CDH23: variants seen among roughly 807,000 people sequenced by gnomAD.
CDH23 encodes the protein cadherin related 23.
A neutral mutation model predicts 317.1 loss-of-function variants in CDH23; 189 were observed. The observed-to-expected ratio is 0.60, with a 90% CI of 0.53 to 0.67. CDH23 has a LOEUF of 0.67. Ranked by LOEUF, CDH23 falls within the 30% of genes least tolerant of loss-of-function variation. The pLI, the probability that CDH23 is intolerant of heterozygous loss-of-function variation, is 0.00. For synonymous variants in CDH23, 1,839 were observed against 1,876.8 expected (o/e 0.98, Z 0.52); for missense variants, 4,401 against 4,592.4 (o/e 0.96, Z 1.20).
chr10:71,671,839 G>A (rs3849958), intron 14 of CDH23, among the ~76,000 whole-genome samples: 29,287 of 152,216 alleles, frequency 0.19, 3,010 homozygotes, highest in Non-Finnish European at 0.23. Flanking sequence ...AAGTGGGTGG[G>A]AGGTAATGAC....
chr10:71,732,225 C>A lies in CDH23; in HGVS notation c.3954C>A (p.Tyr1318Ter), dbSNP rs373366898. The change falls in exon 32 of 70, where the codon TAC becomes TAA. Residue 1318 changes from tyrosine to a stop codon, truncating the protein, a stop_gained. Coordinates refer to ENST00000224721, the MANE Select transcript of CDH23 (RefSeq NM_022124.6). LOFTEE classifies it high-confidence loss of function. Reference sequence around the variant, plus strand: ...CCGTGCAGTTCTCCAATGCCTCATACGAGGCTGCCATCCTGGAGAATCTGG... The same window carrying A: ...CCGTGCAGTTCTCCAATGCCTCATAAGAGGCTGCCATCCTGGAGAATCTGG... ...DEAVQFSNAS[Y>*]EAAILENLAL... The A allele has an allele frequency of 6.2e-7, 1 of 1,613,750 alleles. No individual in the cohort carries two copies. Among genetic ancestry groups the A allele is most frequent in the Non-Finnish European group, 8.5e-7 (1 of 1,179,742 alleles).
At chr10:71,553,137 G>C (rs186200878) in intron 6 of CDH23, among the ~76,000 whole-genome samples, 17 of 152,268 alleles carry the variant, frequency 1.1e-4, no homozygotes, top group Admixed American at 1.0e-3. Flanking sequence ...AGCTCCCCAG[G>C]TGATTCTAAT....
chr10:71,761,174 G>A (rs1301961876), intron 38 of CDH23, among the ~76,000 whole-genome samples: 3 of 152,094 alleles, frequency 2.0e-5, no homozygotes, highest in African/African-American at 7.2e-5. Flanking sequence ...TCCGAACCAT[G>A]GGCCCTTGCA....
intron 14 of CDH23, among the ~76,000 whole-genome samples, chr10:71,665,453 G>A (rs190973475): frequency 1.3e-5 from 2 of 152,328 alleles, no homozygotes; most frequent in African/African-American, 2.4e-5. Context: ...GTAGATCAGA[G>A]TGTGCCCACT....
chr10:71,766,445 G>A (rs2121538), intron 38 of CDH23, among the ~76,000 whole-genome samples: 95,691 of 151,836 alleles, frequency 0.63, 30,347 homozygotes, highest in South Asian at 0.77. Context: ...CTGAGTCTCA[G>A]GAGTAAAACT....
chr10:71,813,398 T>A (rs1564809576), intron 69 of CDH23, 50 bp downstream of exon 69: 1 of 1,456,130 alleles, frequency 6.9e-7, no homozygotes, highest in Non-Finnish European at 9.4e-7. Flanking sequence ...AGCCTGGGGA[T>A]GCTCTCTGTC....
chr10:71,785,877 C>T, intron 44 of CDH23, 139 bp downstream of exon 44: 1 of 682,154 alleles, frequency 1.5e-6, no homozygotes, highest in East Asian at 2.7e-5. Flanking sequence ...CTTCAAATCC[C>T]AGTTCTCTCC....
intron 9 of CDH23, among the ~76,000 whole-genome samples, chr10:71,588,214 C>T (rs1859216020): frequency 6.6e-6 from 1 of 152,182 alleles, no homozygotes; most frequent in Non-Finnish European, 1.5e-5. Flanking sequence ...GACATCTGCA[C>T]CTACGTTTCT....
intron 38 of CDH23, 79 bp downstream of exon 38, chr10:71,742,000 T>A: frequency 8.5e-7 from 1 of 1,170,108 alleles, no homozygotes; most frequent in Non-Finnish European, 1.2e-6. Context: ...ACAAGATGGG[T>A]GAGAATGGAA....
intron 6 of CDH23, among the ~76,000 whole-genome samples, chr10:71,517,373 A>ATCCTG (rs1405490598): frequency 2.5e-4 from 38 of 152,122 alleles, no homozygotes; most frequent in Non-Finnish European, 4.1e-4. Context: ...GTGCTTTGGC[A>ATCCTG]TGTGAGGAGC....
Position 71,660,445 on chromosome 10 carries a change from G to A in CDH23, c.1449+13828G>A, listed in dbSNP as rs562318928. Reference sequence around the variant, plus strand: ...CTCTCTTCTCCACCACCCCTAGGGTGTGTCCCTCATCTTCATGGTCCCAGG... The same window carrying A: ...CTCTCTTCTCCACCACCCCTAGGGTATGTCCCTCATCTTCATGGTCCCAGG... On this transcript the variant is annotated intron_variant, in intron 14 of 69. Transcript: ENST00000224721. 3.9e-5 allele frequency among the ~76,000 whole-genome samples: 6 copies of A among 152,236 alleles called. No individual in the cohort carries two copies. The East Asian group carries it at 1.2e-3, about 29-fold the overall frequency.
At chr10:71,500,686 G>A (rs1853242187) in intron 3 of CDH23, among the ~76,000 whole-genome samples, 1 of 152,148 alleles carries the variant, frequency 6.6e-6, no homozygotes, top group Admixed American at 6.6e-5. Flanking sequence ...CATGAGGGTT[G>A]TGGAATGAGA....
At chr10:71,541,113 C>A (rs1855965248) in intron 6 of CDH23, among the ~76,000 whole-genome samples, 1 of 152,086 alleles carries the variant, frequency 6.6e-6, no homozygotes, top group Non-Finnish European at 1.5e-5. Context: ...GATGGCCCCC[C>A]TGGAAATAGA....
At chr10:71,792,215 T>C (rs181617587) in intron 47 of CDH23, among the ~76,000 whole-genome samples, 1 of 152,284 alleles carries the variant, frequency 6.6e-6, no homozygotes, top group African/African-American at 2.4e-5. Flanking sequence ...CAAAAACCTA[T>C]TTAATCTAAT....
At chr10:71,764,338 T>G (rs1283417485) in intron 38 of CDH23, among the ~76,000 whole-genome samples, 1 of 152,132 alleles carries the variant, frequency 6.6e-6, no homozygotes. Context: ...CGTAACTCAC[T>G]GATGATCACA....
At chr10:71,526,081 C>G (rs777835792) in intron 6 of CDH23, among the ~76,000 whole-genome samples, 8 of 152,218 alleles carry the variant, frequency 5.3e-5, no homozygotes, top group African/African-American at 1.9e-4. Flanking sequence ...AGCAAAAGCT[C>G]GGCCCTCTGC....
chr10:71,628,113 C>T (rs776473867), intron 11 of CDH23, among the ~76,000 whole-genome samples: 4 of 152,190 alleles, frequency 2.6e-5, no homozygotes, highest in Non-Finnish European at 4.4e-5. Flanking sequence ...AAGCACAGCT[C>T]GGCTGGGAGT....
At chr10:71,732,752 TGTTTTC>T in intron 32 of CDH23, 27 of 1,107,418 alleles carry the variant, frequency 2.4e-5, no homozygotes, top group South Asian at 1.4e-4. Flanking sequence ...TTTTTCCTTC[TGTTTTC>T]ACACCCATCA....
chr10:71,580,566 A>C (rs887833229), intron 9 of CDH23, among the ~76,000 whole-genome samples: 1 of 152,244 alleles, frequency 6.6e-6, no homozygotes, highest in Non-Finnish European at 1.5e-5. Flanking sequence ...ATGGAACCAA[A>C]TAGGCTCATG....
Sources: gnomAD v4.1 joint callset for allele counts (sites outside exome capture counted in the v4.1 genomes callset) on GRCh38, gnomAD v4.1.1 for gene constraint, MANE v1.5 for transcripts, NCBI Gene and HGNC (gene_info 2026-07-23, HGNC 2026-07-21) for gene names.